Variants in PHLPP1 observed in about 807,000 individuals in gnomAD.
PHLPP1 encodes PH domain leucine-rich repeat-containing protein phosphatase 1.
PHLPP1 carries 42 observed loss-of-function variants against 117.2 expected under a neutral mutation model. The observed-to-expected ratio is 0.36, with a 90% CI of 0.28 to 0.46. The LOEUF (loss-of-function observed/expected upper bound fraction) is 0.46, where lower values mean the gene tolerates loss of function less well. Among genes scored for constraint, PHLPP1 ranks in the 20% least tolerant of loss-of-function variants. The pLI is 1.00. For synonymous variants in PHLPP1, 1,042 were observed against 970.7 expected (o/e 1.07, Z -1.37); for missense variants, 2,084 against 2,241.9 (o/e 0.93, Z 1.42).
At chr18:62,882,084 A>G (rs956125293) in intron 4 of PHLPP1, among the ~76,000 whole-genome samples, 1 of 152,166 alleles carries the variant, frequency 6.6e-6, no homozygotes, top group Non-Finnish European at 1.5e-5. Flanking sequence ...TTCCTTATGT[A>G]ACTATTATGG....
chr18:62,975,898 G>T (rs994610170), intron 16 of PHLPP1, among the ~76,000 whole-genome samples: 1 of 152,170 alleles, frequency 6.6e-6, no homozygotes, highest in South Asian at 2.1e-4. Flanking sequence ...GGCTGCTTTG[G>T]TGGTTGAGGG....
intron 1 of PHLPP1, among the ~76,000 whole-genome samples, chr18:62,804,593 G>A (rs1913883205): frequency 6.6e-6 from 1 of 152,010 alleles, no homozygotes; most frequent in Admixed American, 6.6e-5. Context: ...AAAAGAAAAA[G>A]TAATTGTTAG....
At chr18:62,754,224 G>C (rs370023107) in intron 1 of PHLPP1, among the ~76,000 whole-genome samples, 1 of 152,332 alleles carries the variant, frequency 6.6e-6, no homozygotes, top group Middle Eastern at 3.4e-3. Flanking sequence ...TTGTGCAACA[G>C]GCATTCCCCA....
At chr18:62,803,368 T>TC (rs1298813621) in intron 1 of PHLPP1, among the ~76,000 whole-genome samples, 5 of 152,028 alleles carry the variant, frequency 3.3e-5, no homozygotes, top group African/African-American at 4.8e-5. Context: ...CTTTTCCCCC[T>TC]CCTAGTTATT....
chr18:62,930,266 A>G (rs893623727), intron 10 of PHLPP1, among the ~76,000 whole-genome samples: 2 of 152,346 alleles, frequency 1.3e-5, no homozygotes, highest in Non-Finnish European at 2.9e-5. Flanking sequence ...TGAAATAATT[A>G]TGACAGAGTT....
intron 12 of PHLPP1, among the ~76,000 whole-genome samples, chr18:62,952,481 A>G (rs1357413166): frequency 6.6e-6 from 1 of 152,130 alleles, no homozygotes; most frequent in Non-Finnish European, 1.5e-5. Context: ...AGGCTTCCCA[A>G]ATCTAAAATG....
In PHLPP1 at chr18:62,978,150, G is replaced by A. The variant is rs1911248805; in HGVS notation, c.3985-112G>A. The A allele has an allele frequency of 3.2e-6, 2 of 630,176 alleles. No homozygotes were observed. Among genetic ancestry groups the A allele is most frequent in the South Asian group, 1.9e-5 (1 of 52,268 alleles). The allele number at this position is 630,176 out of a possible 1,614,324, so 39.0% of individuals were successfully genotyped here. A position where few individuals can be genotyped will look rare whatever the true frequency, so the allele number is the denominator to read the frequency against. ...CCTTCTTTCCTCTGTGGGCCACACA[G>A]CACTTCTCTGTGGTCCTACAGTCGA... On this transcript the variant is annotated intron_variant, in intron 16 of 16. Transcript: ENST00000262719. This position sits in a 1 kb window ranked among gnomAD's most constrained non-coding sequence, Gnocchi z 7.0.
At chr18:62,927,354 A>G (rs1411767730) in intron 10 of PHLPP1, among the ~76,000 whole-genome samples, 4 of 152,238 alleles carry the variant, frequency 2.6e-5, no homozygotes, top group Admixed American at 2.6e-4. Context: ...TAAGAAAGCA[A>G]AAAACAACAT....
chr18:62,827,693 G>T (rs1914647319), intron 1 of PHLPP1, among the ~76,000 whole-genome samples: 1 of 152,236 alleles, frequency 6.6e-6, no homozygotes, highest in South Asian at 2.1e-4. Flanking sequence ...TGATCTGACT[G>T]TTGGGCTCCA....
Position 62,716,049 on chromosome 18 carries a change from G to T in PHLPP1, c.366G>T (p.Arg122Ser). ...AGGGANSLLL[R>S]RGRLKRNLSA... ...GCGGCGCCAACTCCCTCCTGCTGAG[G>T]AGAGGGCGGCTGAAGAGGAATCTGT... Residue 122 changes from arginine to serine, a missense_variant, in exon 1 of 17, where the codon AGG (arginine) becomes AGT (serine). Arg to Ser is a moderately radical substitution (Grantham distance 110, BLOSUM62 -1). Coordinates refer to ENST00000262719, the MANE Select transcript of PHLPP1 (RefSeq NM_194449.4). This position sits in a 1 kb window ranked among gnomAD's most constrained non-coding sequence, Gnocchi z 5.7. 1 of 1,471,814 alleles carries T rather than the reference G, an allele frequency of 6.8e-7. No homozygotes were observed. Among genetic ancestry groups the T allele is most frequent in the Non-Finnish European group, 8.9e-7 (1 of 1,120,898 alleles). 91.2% of individuals were successfully genotyped at this position (1,471,814 alleles called of 1,614,324 possible).
intron 10 of PHLPP1, among the ~76,000 whole-genome samples, chr18:62,929,352 T>C (rs1309006024): frequency 1.3e-5 from 2 of 152,110 alleles, no homozygotes; most frequent in African/African-American, 2.4e-5. Flanking sequence ...TTTAAATAAA[T>C]TGTAATTTAT....
intron 10 of PHLPP1, among the ~76,000 whole-genome samples, chr18:62,922,419 G>A (rs1909501710): frequency 6.6e-6 from 1 of 152,242 alleles, no homozygotes. Context: ...TTACAGGCAT[G>A]AGCCACCGCA....
chr18:62,895,833 T>C lies in PHLPP1; in HGVS notation c.2266T>C (p.Leu756=). Residue 756 remains leucine (L), a synonymous_variant, in exon 6 of 17, where the codon TTG becomes CTG. Transcript: ENST00000262719. The stretch of plus-strand genomic sequence containing the variant: ...CTTTCTCCAATCCCTTCCTGCTGAG[T>C]TGGAGAACATGAAGCAGCTTAGTTA... ...GNFLQSLPAE[L]ENMKQLSYLG... is the part of the protein sequence containing the mutation. 6.2e-7 allele frequency: 1 copy of C among 1,613,716 alleles called. No homozygotes were observed. Among genetic ancestry groups the C allele is most frequent in the Non-Finnish European group, 8.5e-7 (1 of 1,179,624 alleles).
At chr18:62,933,280 C>G (rs1909872127) in intron 10 of PHLPP1, among the ~76,000 whole-genome samples, 1 of 152,018 alleles carries the variant, frequency 6.6e-6, no homozygotes, top group Non-Finnish European at 1.5e-5. Context: ...CATGTGGAAA[C>G]ACAAAAGAGC....
At chr18:62,916,590 A>G (rs1341121713) in intron 9 of PHLPP1, among the ~76,000 whole-genome samples, 1 of 136,398 alleles carries the variant, frequency 7.3e-6, no homozygotes, top group East Asian at 2.0e-4. Flanking sequence ...AGCCATCACC[A>G]TTAACAAGAG....
At chr18:62,847,247 C>A (rs975475486) in intron 3 of PHLPP1, among the ~76,000 whole-genome samples, 1 of 152,090 alleles carries the variant, frequency 6.6e-6, no homozygotes, top group Non-Finnish European at 1.5e-5. Context: ...TGGAATTAGC[C>A]GTTGTTGTTC....
intron 1 of PHLPP1, among the ~76,000 whole-genome samples, chr18:62,829,286 C>A (rs12958952): frequency 0.068 from 10,273 of 152,128 alleles, 392 homozygotes; most frequent in Middle Eastern, 0.088. Context: ...GGAGGAAAAA[C>A]TCTGCAGTTA....
chr18:62,963,568 T>A, intron 14 of PHLPP1, 96 bp downstream of exon 14: 1 of 766,614 alleles, frequency 1.3e-6, no homozygotes, highest in Non-Finnish European at 2.1e-6. Flanking sequence ...CACACACTTT[T>A]CTCATGTAAA....
chr18:62,944,133 C>A (rs963559132), intron 11 of PHLPP1, among the ~76,000 whole-genome samples: 1 of 151,540 alleles, frequency 6.6e-6, no homozygotes, highest in African/African-American at 2.4e-5. Context: ...GAAACAATAC[C>A]AAAAAATGTA....
Sources: allele counts gnomAD v4.1 joint callset (sites outside exome capture counted in the v4.1 genomes callset), GRCh38; gene constraint gnomAD v4.1.1; non-coding constraint Gnocchi (gnomAD v3.1); transcripts MANE v1.5; gene names NCBI Gene and HGNC (gene_info 2026-07-23, HGNC 2026-07-21).